NGEF: variants seen among roughly 807,000 people sequenced by gnomAD.
The protein encoded by NGEF is neuronal guanine nucleotide exchange factor.
In NGEF, 31 loss-of-function variants were observed where a neutral mutation model predicts 80.9. That is an observed-to-expected ratio of 0.38 (90% CI 0.29 to 0.52). The LOEUF (loss-of-function observed/expected upper bound fraction) is 0.52. Ranked by LOEUF, NGEF falls within the 20% of genes least tolerant of loss-of-function variation. NGEF has a pLI of 0.84. For synonymous variants in NGEF, 371 were observed against 370.2 expected, an observed-to-expected ratio of 1.00 and a Z score of -0.03; for missense variants, 709 against 926.2, an observed-to-expected ratio of 0.77 and a Z score of 3.04.
At chr2:232,911,033 A>G (rs984148740) in intron 5 of NGEF, among the ~76,000 whole-genome samples, 6 of 152,108 alleles carry the variant, frequency 3.9e-5, no homozygotes, top group Non-Finnish European at 8.8e-5. Flanking sequence ...TTGTTTATGC[A>G]TGATTGGTTT....
intron 5 of NGEF, among the ~76,000 whole-genome samples, chr2:232,901,927 C>G (rs1287796532): frequency 6.6e-6 from 1 of 152,242 alleles, no homozygotes; most frequent in Non-Finnish European, 1.5e-5. Context: ...GCTATCAGGG[C>G]CACCTGGGCC....
rs548211891 is a variant in NGEF, at chr2:232,899,941, C to T, written c.829-5025G>A. ...TCATATACACGTTCACTCACATTCA[C>T]TTACACACATGCTCTCACAGTCACT... On this transcript the variant is annotated intron_variant, in intron 5 of 14. Transcript: ENST00000264051. 1.5e-3 allele frequency among the ~76,000 whole-genome samples: 218 copies of T among 145,246 alleles called. 5 individuals carry two copies. The highest frequency in any genetic ancestry group is 5.4e-3 in the African/African-American group (205 of 38,086).
At chr2:233,001,301 C>T (rs951340095) in intron 1 of NGEF, among the ~76,000 whole-genome samples, 1 of 152,236 alleles carries the variant, frequency 6.6e-6, no homozygotes, top group African/African-American at 2.4e-5. Flanking sequence ...TCTCTCATCA[C>T]CCCCAATATA....
chr2:232,953,983 T>C (rs1435777938), intron 3 of NGEF, among the ~76,000 whole-genome samples: 1 of 152,118 alleles, frequency 6.6e-6, no homozygotes, highest in Non-Finnish European at 1.5e-5. Flanking sequence ...GGTGAAGCAT[T>C]TGCCAAAAAT....
intron 3 of NGEF, among the ~76,000 whole-genome samples, chr2:232,950,693 G>T (rs1393621193): frequency 6.6e-6 from 1 of 152,220 alleles, no homozygotes; most frequent in Non-Finnish European, 1.5e-5. Context: ...TGGACTGGGT[G>T]GGAGCAAGAA....
Position 232,891,222 on chromosome 2 carries a change from G to T in NGEF, c.1272+136C>A, listed in dbSNP as rs998789260. ...CAGGCGCTGCATCCTCACTGCCCAG[G>T]AACGTGCTTGGCACACATGGGAGGA... On this transcript the variant is annotated intron_variant, in intron 8 of 14. Coordinates refer to ENST00000264051, the MANE Select transcript of NGEF (RefSeq NM_019850.3). 5 of 1,195,818 alleles carry T rather than the reference G, an allele frequency of 4.2e-6. No homozygotes were observed. The Admixed American group carries it at 7.8e-5, about 19-fold the overall frequency. 74.1% of individuals were successfully genotyped at this position (1,195,818 alleles called of 1,614,324 possible). A position where few individuals can be genotyped will look rare whatever the true frequency, so the allele number is the denominator to read the frequency against.
At chr2:232,890,147 G>A (rs1285768173) in intron 8 of NGEF, among the ~76,000 whole-genome samples, 9 of 146,994 alleles carry the variant, frequency 6.1e-5, no homozygotes, top group African/African-American at 2.0e-4. Context: ...TTGTCAGGCG[G>A]AGGGAGTCTC....
chr2:232,914,907 C>T (rs1327962281), intron 5 of NGEF, among the ~76,000 whole-genome samples: 1 of 151,246 alleles, frequency 6.6e-6, no homozygotes, highest in African/African-American at 2.4e-5. Context: ...ATCCCAGCTA[C>T]TCGGGAGGCT....
chr2:232,922,131 GA>G (rs1172219023), intron 4 of NGEF, among the ~76,000 whole-genome samples: 1 of 152,232 alleles, frequency 6.6e-6, no homozygotes, highest in Admixed American at 6.5e-5. Context: ...ATGATTCCCA[GA>G]AAGTTGCAAT....
intron 3 of NGEF, among the ~76,000 whole-genome samples, chr2:232,952,213 T>C (rs2106306518): frequency 6.6e-6 from 1 of 152,358 alleles, no homozygotes; most frequent in Non-Finnish European, 1.5e-5. Flanking sequence ...CAGTGGGAAC[T>C]GGGAATATGG....
chr2:232,932,705 C>T (rs1693241486), intron 3 of NGEF, among the ~76,000 whole-genome samples: 1 of 152,114 alleles, frequency 6.6e-6, no homozygotes, highest in Admixed American at 6.5e-5. Context: ...TGGTGCCAGC[C>T]TGGGCTGGTT....
intron 3 of NGEF, among the ~76,000 whole-genome samples, chr2:232,955,554 C>T (rs994414259): frequency 1.3e-5 from 2 of 152,148 alleles, no homozygotes; most frequent in Non-Finnish European, 1.5e-5. Context: ...GACAGAATCT[C>T]GCTCTGTTGC....
chr2:232,891,953 T>A (rs558433757), intron 7 of NGEF, among the ~76,000 whole-genome samples: 1 of 151,174 alleles, frequency 6.6e-6, no homozygotes, highest in Non-Finnish European at 1.5e-5. Context: ...CTCGGCCCCA[T>A]GCATGTCAGC....
chr2:232,885,925 C>T (rs1260584709), intron 9 of NGEF, among the ~76,000 whole-genome samples: 1 of 152,222 alleles, frequency 6.6e-6, no homozygotes, highest in African/African-American at 2.4e-5. Context: ...AACACGCTCG[C>T]CAGCCTCAAC....
At chr2:232,967,092 G>A (rs1365106887) in intron 3 of NGEF, among the ~76,000 whole-genome samples, 1 of 152,076 alleles carries the variant, frequency 6.6e-6, no homozygotes, top group African/African-American at 2.4e-5. Context: ...GGATCATAGG[G>A]GCGGATCCCT....
intron 3 of NGEF, among the ~76,000 whole-genome samples, chr2:232,955,010 C>T (rs72978124): frequency 2.0e-5 from 3 of 151,772 alleles, no homozygotes; most frequent in South Asian, 2.1e-4. Flanking sequence ...CTTCGTAATA[C>T]GCCTATTCAT....
At chr2:232,919,363 C>T (rs1039763788) in intron 5 of NGEF, among the ~76,000 whole-genome samples, 1 of 152,028 alleles carries the variant, frequency 6.6e-6, no homozygotes, top group Non-Finnish European at 1.5e-5. Context: ...CAGGTGAGTG[C>T]GGTGGGAGTG....
intron 2 of NGEF, among the ~76,000 whole-genome samples, chr2:232,974,172 A>C (rs952683654): frequency 6.6e-6 from 1 of 152,218 alleles, no homozygotes; most frequent in African/African-American, 2.4e-5. Flanking sequence ...GTCTTGCTGC[A>C]AATCTATTCC....
At chr2:232,927,957 C>A in intron 3 of NGEF, 1 of 1,326,078 alleles carries the variant, frequency 7.5e-7, no homozygotes, top group Admixed American at 3.4e-5. Flanking sequence ...CTGTCGTGGT[C>A]CACGGCGCAG....
Sources: allele counts gnomAD v4.1 joint callset (sites outside exome capture counted in the v4.1 genomes callset), GRCh38; gene constraint gnomAD v4.1.1; transcripts MANE v1.5; gene names NCBI Gene and HGNC (gene_info 2026-07-23, HGNC 2026-07-21).